Variants in NUFIP1 observed in about 807,000 individuals in gnomAD.
The protein encoded by NUFIP1 is nuclear FMR1 interacting protein 1.
A neutral mutation model predicts 56.2 loss-of-function variants in NUFIP1; 38 were observed. The ratio of observed to expected loss-of-function variants is 0.68; its 90% CI spans 0.52 to 0.89. The LOEUF is 0.89. Among genes scored for constraint, NUFIP1 ranks in the 40% least tolerant of loss-of-function variants. The pLI, the probability that NUFIP1 is intolerant of heterozygous loss-of-function variation, is 0.00. For synonymous variants in NUFIP1, 215 were observed against 212.4 expected (o/e 1.01, Z -0.10); for missense variants, 567 against 605.8 (o/e 0.94, Z 0.67).
At chr13:44,947,454 G>C (rs1870938875) in intron 8 of NUFIP1, among the ~76,000 whole-genome samples, 1 of 151,942 alleles carries the variant, frequency 6.6e-6, no homozygotes, top group African/African-American at 2.4e-5. Context: ...GACCAGACTG[G>C]TCTTGAACTC....
At chr13:44,948,751 G>A (rs74069809) in intron 8 of NUFIP1, among the ~76,000 whole-genome samples, 47 of 152,236 alleles carry the variant, frequency 3.1e-4, no homozygotes, top group African/African-American at 1.1e-3. Flanking sequence ...AGATGCTGAA[G>A]GAAATTAAAC....
At chr13:44,963,091 AC>A (rs367955827) in intron 6 of NUFIP1, among the ~76,000 whole-genome samples, 10 of 152,272 alleles carry the variant, frequency 6.6e-5, no homozygotes, top group African/African-American at 2.2e-4. Context: ...ACCAAAAAAA[AC>A]AAAACAAAAA....
At chr13:44,987,577 GAAAACC>G (rs1304120844) in intron 1 of NUFIP1, among the ~76,000 whole-genome samples, 1 of 151,612 alleles carries the variant, frequency 6.6e-6, no homozygotes, top group Non-Finnish European at 1.5e-5. Flanking sequence ...ACATGCAACG[GAAAACC>G]AAAAAAAAAA....
At chr13:44,962,541 G>C (rs1259363010) in intron 6 of NUFIP1, among the ~76,000 whole-genome samples, 1 of 152,148 alleles carries the variant, frequency 6.6e-6, no homozygotes, top group African/African-American at 2.4e-5. Flanking sequence ...ATATATGACA[G>C]TAGTCCTATA....
intron 5 of NUFIP1, among the ~76,000 whole-genome samples, chr13:44,969,631 T>G (rs1871735178): frequency 6.6e-6 from 1 of 152,158 alleles, no homozygotes; most frequent in Admixed American, 6.5e-5. Context: ...AACTATGCTC[T>G]TTTCCTTCCT....
At chr13:44,980,945 G>T in intron 2 of NUFIP1, 125 bp from the exon 3 acceptor site, 1 of 577,186 alleles carries the variant, frequency 1.7e-6, no homozygotes, top group Non-Finnish European at 3.0e-6. Context: ...TGTGGGAGAA[G>T]CTTGTGAGTA....
chr13:44,971,501 A>G (rs1871802379), intron 5 of NUFIP1, among the ~76,000 whole-genome samples: 1 of 152,184 alleles, frequency 6.6e-6, no homozygotes, highest in Non-Finnish European at 1.5e-5. Flanking sequence ...TCAGAAGGAC[A>G]GAGCCGCTTC....
intron 5 of NUFIP1, 95 bp from the exon 6 acceptor site, chr13:44,966,031 C>T (rs1871589282): frequency 3.7e-6 from 2 of 540,002 alleles, no homozygotes; most frequent in Admixed American, 3.8e-5. Context: ...TTTTGTTTAA[C>T]ACCTAACACA....
intron 7 of NUFIP1, among the ~76,000 whole-genome samples, chr13:44,954,534 T>C (rs1555250639): frequency 6.6e-6 from 1 of 152,182 alleles, no homozygotes; most frequent in Non-Finnish European, 1.5e-5. Context: ...TTGAATGCCT[T>C]GTCCGCTCTA....
In NUFIP1 at chr13:44,971,809, G is replaced by C. The variant is rs115561858; in HGVS notation, c.735-5873C>G. Among the ~76,000 whole-genome samples, 660 of 152,318 alleles carry C rather than the reference G, an allele frequency of 4.3e-3. 3 individuals carry two copies. The highest frequency in any genetic ancestry group is 0.015 in the African/African-American group (638 of 41,572). The stretch of plus-strand genomic sequence containing the variant: ...TGTGGCTTAATATTTGCATATGCAA[G>C]AACATTCTGGTGACAGGCAAGAGGA... On this transcript the variant is annotated intron_variant, in intron 5 of 9. Transcript: ENST00000379161.
At chr13:44,956,039 A>C (rs1004918927) in intron 7 of NUFIP1, among the ~76,000 whole-genome samples, 2 of 146,690 alleles carry the variant, frequency 1.4e-5, no homozygotes, top group African/African-American at 5.0e-5. Context: ...GCTACTCGGG[A>C]GGCTGAGGCA....
chr13:44,959,307 C>T, intron 7 of NUFIP1, 74 bp downstream of exon 7: 2 of 1,383,376 alleles, frequency 1.4e-6, no homozygotes, highest in Admixed American at 2.2e-5. Context: ...TTTCCACAAG[C>T]AAGGCTGTGA....
At chr13:44,957,131 T>C (rs1231881551) in intron 7 of NUFIP1, among the ~76,000 whole-genome samples, 1 of 152,188 alleles carries the variant, frequency 6.6e-6, no homozygotes, top group Non-Finnish European at 1.5e-5. Flanking sequence ...ACACTCGAAA[T>C]AGGCATGTTC....
chr13:44,984,933 C>G (rs1005367708), intron 1 of NUFIP1, among the ~76,000 whole-genome samples: 1 of 152,078 alleles, frequency 6.6e-6, no homozygotes, highest in South Asian at 2.1e-4. Context: ...TTGTTCAATT[C>G]CCATCTATGA....
chr13:44,972,464 C>G (rs974315875), intron 5 of NUFIP1, among the ~76,000 whole-genome samples: 1 of 152,104 alleles, frequency 6.6e-6, no homozygotes, highest in Non-Finnish European at 1.5e-5. Context: ...AATATAAGAA[C>G]AAAAAATAAA....
Position 44,949,726 on chromosome 13 carries a change from T to C in NUFIP1, c.1134A>G (p.Pro378=). 1 of 1,594,032 alleles carries C rather than the reference T, an allele frequency of 6.3e-7. No homozygotes were observed. The highest frequency in any genetic ancestry group is 1.3e-5 in the African/African-American group (1 of 74,158). ...ACAACACACACCATGACTTACCTTCTGGCTCACTCTCTGACCCTGAAAGAC... is the reference window on the plus strand; with the variant it reads ...ACAACACACACCATGACTTACCTTCCGGCTCACTCTCTGACCCTGAAAGAC... The part of the protein sequence containing the change: ...YGSLSGSESE[P]EETPIKTEAD... Residue 378 remains proline (P), a synonymous_variant, in exon 8 of 10, where the codon CCA becomes CCG. Coordinates refer to ENST00000379161, the MANE Select transcript of NUFIP1 (RefSeq NM_012345.3).
intron 1 of NUFIP1, among the ~76,000 whole-genome samples, chr13:44,987,256 T>TA (rs1872430111): frequency 6.6e-6 from 1 of 152,056 alleles, no homozygotes; most frequent in Non-Finnish European, 1.5e-5. Context: ...CGGGCACCTG[T>TA]AGTACCAGCT....
intron 7 of NUFIP1, among the ~76,000 whole-genome samples, chr13:44,950,176 C>CT (rs1871042478): frequency 6.6e-6 from 1 of 152,182 alleles, no homozygotes; most frequent in Non-Finnish European, 1.5e-5. Context: ...AAGACCCAAA[C>CT]TTTATTTAAC....
At chr13:44,986,238 C>T (rs1463301945) in intron 1 of NUFIP1, among the ~76,000 whole-genome samples, 1 of 152,054 alleles carries the variant, frequency 6.6e-6, no homozygotes, top group African/African-American at 2.4e-5. Context: ...TTCAAGATAC[C>T]ATTAAGAACA....
Sources: allele counts gnomAD v4.1 joint callset (sites outside exome capture counted in the v4.1 genomes callset), GRCh38; gene constraint gnomAD v4.1.1; transcripts MANE v1.5; gene names NCBI Gene and HGNC (gene_info 2026-07-23, HGNC 2026-07-21).